The following SIPA1L2 variants were observed in gnomAD, a reference collection of about 807,000 sequenced individuals.
SIPA1L2 encodes signal induced proliferation associated 1 like 2.
SIPA1L2 carries 56 observed loss-of-function variants against 163.9 expected under a neutral mutation model. The observed-to-expected ratio is 0.34, with a 90% confidence interval of 0.28 to 0.43. The LOEUF (loss-of-function observed/expected upper bound fraction) is 0.43, where lower values mean the gene tolerates loss of function less well. Ranked by LOEUF, SIPA1L2 falls within the 20% of genes least tolerant of loss-of-function variation. The probability of loss-of-function intolerance (pLI) is 1.00; values close to 1 mark genes in which losing one functional copy is unlikely to be tolerated. For missense variants in SIPA1L2, 1,974 were observed against 2,193.5 expected, an observed-to-expected ratio of 0.90 and a Z score of 2.00; for synonymous variants, 877 against 865.7, an observed-to-expected ratio of 1.01 and a Z score of -0.23.
intron 3 of SIPA1L2, among the ~76,000 whole-genome samples, chr1:232,509,216 C>G (rs1288873449): frequency 6.6e-6 from 1 of 152,268 alleles, no homozygotes; most frequent in Non-Finnish European, 1.5e-5. Context: ...AGTTATTCAA[C>G]AGCCTTTCAG....
chr1:232,496,556 C>T (rs1189253795), intron 3 of SIPA1L2, among the ~76,000 whole-genome samples: 2 of 118,768 alleles, frequency 1.7e-5, no homozygotes, highest in African/African-American at 6.7e-5. Context: ...GATCCAGAAG[C>T]AGGCAAAAAA....
At chr1:232,471,296 C>A in intron 8 of SIPA1L2, 75 bp downstream of exon 8, 2 of 1,470,956 alleles carry the variant, frequency 1.4e-6, no homozygotes, top group Non-Finnish European at 1.8e-6. Context: ...AATTGGCAAA[C>A]AAAGATATTT....
chr1:232,517,581 AT>A (rs1667270510), intron 2 of SIPA1L2, among the ~76,000 whole-genome samples: 2 of 152,234 alleles, frequency 1.3e-5, no homozygotes, highest in Admixed American at 1.3e-4. Flanking sequence ...CTGACTAGCT[AT>A]TATAATTTAC....
chr1:232,425,258 T>C (rs1283039697), intron 18 of SIPA1L2, among the ~76,000 whole-genome samples: 1 of 146,718 alleles, frequency 6.8e-6, no homozygotes, highest in Non-Finnish European at 1.5e-5. Context: ...ATCAGTCTTT[T>C]CTTTTTTTTT....
intron 10 of SIPA1L2, among the ~76,000 whole-genome samples, chr1:232,452,494 C>T (rs1472613150): frequency 1.3e-5 from 2 of 152,148 alleles, no homozygotes; most frequent in African/African-American, 4.8e-5. Context: ...CAGGAAGGCC[C>T]CCAAGATGGC....
At chr1:232,437,723 T>C (rs1662650714) in intron 15 of SIPA1L2, among the ~76,000 whole-genome samples, 1 of 151,934 alleles carries the variant, frequency 6.6e-6, no homozygotes, top group South Asian at 2.1e-4. Flanking sequence ...GCTAGGAACA[T>C]GTGAGGAGAT....
At chr1:232,597,402 G>A (rs983106732) in intron 1 of SIPA1L2, among the ~76,000 whole-genome samples, 3 of 151,940 alleles carry the variant, frequency 2.0e-5, no homozygotes, top group African/African-American at 7.3e-5. Flanking sequence ...ATTTGGCCGG[G>A]CGCGGTGGCT....
intron 2 of SIPA1L2, among the ~76,000 whole-genome samples, chr1:232,572,505 C>T (rs1240675375): frequency 6.6e-6 from 1 of 151,928 alleles, no homozygotes; most frequent in Non-Finnish European, 1.5e-5. Flanking sequence ...CTACTGTTCT[C>T]TCCTCCATTC....
At chr1:232,590,016 T>A (rs938472956) in intron 1 of SIPA1L2, among the ~76,000 whole-genome samples, 3 of 152,118 alleles carry the variant, frequency 2.0e-5, no homozygotes, top group East Asian at 3.9e-4. Flanking sequence ...AAGTCATCGC[T>A]CTATCTCAAG....
chr1:232,514,021 C>G lies in SIPA1L2; in HGVS notation c.1319G>C (p.Cys440Ser), dbSNP rs1558235695. The change falls in exon 3 of 23, where the codon TGC (cysteine) becomes TCC (serine). Residue 440 changes from cysteine to serine, a missense_variant. Coordinates refer to ENST00000674635, the MANE Select transcript of SIPA1L2 (RefSeq NM_020808.5). ...NSSSFSSGES[C>S]SFESSLSSHC... ...AGAGCTGAGTGACGATTCGAAAGAGCAGCTTTCCCCAGAACTGAAAGAGGA... is the reference window on the plus strand; with the variant it reads ...AGAGCTGAGTGACGATTCGAAAGAGGAGCTTTCCCCAGAACTGAAAGAGGA... 5 of 1,614,186 alleles carry G rather than the reference C, an allele frequency of 3.1e-6. No individual in the cohort carries two copies. Among genetic ancestry groups the G allele is most frequent in the Non-Finnish European group, 4.2e-6 (5 of 1,180,022 alleles).
At chr1:232,462,160 A>G (rs1302291341) in intron 9 of SIPA1L2, 1 of 1,411,220 alleles carries the variant, frequency 7.1e-7, no homozygotes. Context: ...GGTACATTAA[A>G]GCACCACTAA....
At chr1:232,507,596 A>C (rs1666786648) in intron 3 of SIPA1L2, among the ~76,000 whole-genome samples, 1 of 152,202 alleles carries the variant, frequency 6.6e-6, no homozygotes, top group Non-Finnish European at 1.5e-5. Flanking sequence ...ACATTCACTA[A>C]TGTATTTGGT....
At chr1:232,613,233 A>G (rs1026688705) in intron 1 of SIPA1L2, among the ~76,000 whole-genome samples, 6 of 152,190 alleles carry the variant, frequency 3.9e-5, no homozygotes, top group African/African-American at 1.4e-4. Flanking sequence ...ACTGACCTTC[A>G]GCTTATTCGT....
intron 1 of SIPA1L2, among the ~76,000 whole-genome samples, chr1:232,578,757 CAATT>C (rs1660213426): frequency 6.6e-6 from 1 of 152,142 alleles, no homozygotes; most frequent in East Asian, 1.9e-4. Context: ...ATCCTGTAAA[CAATT>C]AATGTTCCAC....
chr1:232,589,041 A>G (rs1056653095), intron 1 of SIPA1L2, among the ~76,000 whole-genome samples: 12 of 152,228 alleles, frequency 7.9e-5, no homozygotes, highest in African/African-American at 2.9e-4. Flanking sequence ...AAAAGGCATG[A>G]GACTAAAATA....
intron 2 of SIPA1L2, among the ~76,000 whole-genome samples, chr1:232,560,100 C>A (rs577674539): frequency 1.3e-5 from 2 of 152,182 alleles, no homozygotes; most frequent in African/African-American, 2.4e-5. Flanking sequence ...TAACTCAGAA[C>A]AGAAATAGCC....
At chr1:232,509,408 A>G (rs553623162) in intron 3 of SIPA1L2, among the ~76,000 whole-genome samples, 56 of 152,344 alleles carry the variant, frequency 3.7e-4, no homozygotes, top group African/African-American at 1.3e-3. Flanking sequence ...AACAAAATAA[A>G]AGCACTCTGG....
At chr1:232,564,260 G>T (rs1659263745) in intron 2 of SIPA1L2, among the ~76,000 whole-genome samples, 2 of 120,620 alleles carry the variant, frequency 1.7e-5, no homozygotes, top group East Asian at 4.8e-4. Flanking sequence ...GTGTGTGTGT[G>T]TGTGTGTGTG....
Position 232,443,453 on chromosome 1 carries a change from C to A in SIPA1L2, c.3437+149G>T, listed in dbSNP as rs115373116. On this transcript the variant is annotated intron_variant, in intron 12 of 22. Transcript: ENST00000674635. ...TACACAGAAATAATGAGCTTTCCAA[C>A]CTGGACAAGTCACTTGTTAAAAGCA... The A allele has an allele frequency of 5.7e-4, 288 of 506,970 alleles. 1 individual carries two copies. The highest frequency in any genetic ancestry group is 5.1e-3 in the African/African-American group (260 of 51,026). 31.4% of individuals were successfully genotyped at this position (506,970 alleles called of 1,614,324 possible).
Sources: gnomAD v4.1 joint callset for allele counts (sites outside exome capture counted in the v4.1 genomes callset) on GRCh38, gnomAD v4.1.1 for gene constraint, MANE v1.5 for transcripts, NCBI Gene and HGNC (gene_info 2026-07-23, HGNC 2026-07-21) for gene names.